The following SLCO5A1 variants were observed in gnomAD, a reference collection of about 807,000 sequenced individuals.
SLCO5A1 encodes the protein solute carrier organic anion transporter family member 5A1, also known as organic anion transporter polypeptide-related protein 4.
In SLCO5A1, 39 loss-of-function variants were observed where a neutral mutation model predicts 65.1. The ratio of observed to expected loss-of-function variants is 0.60; its 90% CI spans 0.46 to 0.78. The LOEUF is 0.78. Ranked by LOEUF, SLCO5A1 falls within the 30% of genes least tolerant of loss-of-function variation. The pLI, the probability that SLCO5A1 is intolerant of heterozygous loss-of-function variation, is 0.00. For missense variants in SLCO5A1, 1,029 were observed against 1,069.4 expected, an observed-to-expected ratio of 0.96 and a Z score of 0.53; for synonymous variants, 438 against 415.7, an observed-to-expected ratio of 1.05 and a Z score of -0.65.
intron 2 of SLCO5A1, among the ~76,000 whole-genome samples, chr8:69,769,414 G>A (rs1003025537): frequency 2.0e-5 from 3 of 152,104 alleles, no homozygotes; most frequent in African/African-American, 7.2e-5. Flanking sequence ...AGGAAGCACT[G>A]AAGTGAACAT....
intron 5 of SLCO5A1, among the ~76,000 whole-genome samples, chr8:69,727,694 T>C (rs973600433): frequency 6.6e-6 from 1 of 152,252 alleles, no homozygotes; most frequent in African/African-American, 2.4e-5. Context: ...GAAGGAAAGA[T>C]GTCAATTTGC....
rs1813222381 is a variant in SLCO5A1, at chr8:69,667,746, A to G, written c.*5123T>C. ...TTTGGAGAAGAAATAAGAAAAGGTT[A>G]CCTGAAATATTTTTTCTACCTTTCT... On this transcript the variant is annotated 3_prime_UTR_variant, in exon 10 of 10. Coordinates refer to ENST00000260126, the MANE Select transcript of SLCO5A1 (RefSeq NM_030958.3). The G allele has an allele frequency of 6.6e-6, 1 of 152,244 alleles. No homozygotes were observed. The highest frequency in any genetic ancestry group is 2.4e-5 in the African/African-American group (1 of 41,464). The allele number at this position is 152,244 out of a possible 1,614,324, so 9.4% of individuals were successfully genotyped here.
intron 5 of SLCO5A1, among the ~76,000 whole-genome samples, chr8:69,736,411 C>T (rs1816556104): frequency 6.6e-6 from 1 of 152,190 alleles, no homozygotes; most frequent in Non-Finnish European, 1.5e-5. Flanking sequence ...TTAATGCCTA[C>T]CCGGCTCAGC....
intron 6 of SLCO5A1, among the ~76,000 whole-genome samples, chr8:69,690,305 C>T (rs1486215090): frequency 6.6e-6 from 1 of 152,222 alleles, no homozygotes; most frequent in Non-Finnish European, 1.5e-5. Flanking sequence ...TTTACCTGTG[C>T]TTCATTGAAT....
At chr8:69,823,180 G>A (rs1307345798) in intron 2 of SLCO5A1, among the ~76,000 whole-genome samples, 1 of 151,974 alleles carries the variant, frequency 6.6e-6, no homozygotes, top group Non-Finnish European at 1.5e-5. Context: ...ACAAATTATG[G>A]TCTACATTGA....
chr8:69,727,912 C>T (rs537556945), intron 5 of SLCO5A1, among the ~76,000 whole-genome samples: 9 of 152,240 alleles, frequency 5.9e-5, no homozygotes, highest in Middle Eastern at 3.4e-3. Flanking sequence ...CCAGCGCAAA[C>T]GCAAACTACA....
chr8:69,707,747 G>A (rs1215351712), intron 5 of SLCO5A1, among the ~76,000 whole-genome samples: 4 of 152,278 alleles, frequency 2.6e-5, no homozygotes, highest in Middle Eastern at 3.4e-3. Flanking sequence ...CCACAGTAGG[G>A]CCCCACAAAG....
At chr8:69,784,860 A>AAAGAAAGAAAGG (rs1445436513) in intron 2 of SLCO5A1, among the ~76,000 whole-genome samples, 21 of 141,198 alleles carry the variant, frequency 1.5e-4, no homozygotes, top group African/African-American at 3.8e-4. Context: ...AGAAAGAAAG[A>AAAGAAAGAAAGG]AAGGGAAGGA....
chr8:69,703,621 G>A lies in SLCO5A1; in HGVS notation c.1622+1410C>T, dbSNP rs143827563. On this transcript the variant is annotated intron_variant, in intron 6 of 9. Coordinates refer to ENST00000260126, the MANE Select transcript of SLCO5A1 (RefSeq NM_030958.3). The stretch of plus-strand genomic sequence containing the variant: ...GGAATACAATGGAATGCTATGCAGT[G>A]GTTAAAGGCAGTGCTTATGGGCACA... 1.6e-3 allele frequency among the ~76,000 whole-genome samples: 246 copies of A among 152,320 alleles called. 6 individuals are homozygous for A. In the East Asian group the frequency reaches 0.046, roughly 28 times the overall value.
chr8:69,761,997 G>T, intron 2 of SLCO5A1, 122 bp from the exon 3 acceptor site: 1 of 1,158,372 alleles, frequency 8.6e-7, no homozygotes, highest in East Asian at 2.5e-5. Context: ...TCCAAAAACG[G>T]AGACCTTTGG....
intron 2 of SLCO5A1, among the ~76,000 whole-genome samples, chr8:69,784,216 A>C (rs989798568): frequency 4.6e-5 from 7 of 152,246 alleles, no homozygotes; most frequent in Non-Finnish European, 8.8e-5. Flanking sequence ...AGATTAAAAC[A>C]CTAATGGAGA....
chr8:69,816,195 T>C (rs1206814494), intron 2 of SLCO5A1, among the ~76,000 whole-genome samples: 2 of 152,138 alleles, frequency 1.3e-5, no homozygotes, highest in African/African-American at 2.4e-5. Context: ...TACTGGGGGC[T>C]CTTCTGGACA....
chr8:69,694,463 A>C (rs1328244602), intron 6 of SLCO5A1, among the ~76,000 whole-genome samples: 4 of 152,170 alleles, frequency 2.6e-5, no homozygotes, highest in Admixed American at 2.6e-4. Context: ...AAAGGGAAAA[A>C]AGCCACATGC....
At chr8:69,690,052 C>T (rs571171864) in intron 6 of SLCO5A1, among the ~76,000 whole-genome samples, 272 of 152,000 alleles carry the variant, frequency 1.8e-3, no homozygotes, top group Non-Finnish European at 3.0e-3. Context: ...TTTGCGGGTA[C>T]GGGGGGGCGC....
chr8:69,809,124 A>G (rs1820124174), intron 2 of SLCO5A1, among the ~76,000 whole-genome samples: 1 of 152,152 alleles, frequency 6.6e-6, no homozygotes, highest in African/African-American at 2.4e-5. Flanking sequence ...TAAATAAAAG[A>G]ATTCATAATA....
At chr8:69,764,725 A>G (rs1230544005) in intron 2 of SLCO5A1, among the ~76,000 whole-genome samples, 2 of 152,228 alleles carry the variant, frequency 1.3e-5, no homozygotes, top group East Asian at 1.9e-4. Context: ...GACAACACTT[A>G]TGTTTCCACC....
At chr8:69,729,211 G>A (rs1476313622) in intron 5 of SLCO5A1, among the ~76,000 whole-genome samples, 2 of 152,088 alleles carry the variant, frequency 1.3e-5, no homozygotes, top group African/African-American at 4.8e-5. Flanking sequence ...TTGGGAGGCC[G>A]AGGCAGGCGG....
chr8:69,791,356 CA>C (rs1819259361), intron 2 of SLCO5A1, among the ~76,000 whole-genome samples: 1 of 152,136 alleles, frequency 6.6e-6, no homozygotes, highest in African/African-American at 2.4e-5. Flanking sequence ...ACCAGAATGG[CA>C]GCAATCATGA....
chr8:69,740,016 G>T (rs1050567929), intron 4 of SLCO5A1, among the ~76,000 whole-genome samples: 2 of 152,162 alleles, frequency 1.3e-5, no homozygotes, highest in Non-Finnish European at 2.9e-5. Flanking sequence ...AGAAATACTG[G>T]TTATATTGAA....
Sources: allele counts gnomAD v4.1 joint callset (sites outside exome capture counted in the v4.1 genomes callset), GRCh38; gene constraint gnomAD v4.1.1; transcripts MANE v1.5; gene names NCBI Gene and HGNC (gene_info 2026-07-23, HGNC 2026-07-21).